Variants in ACTR3C observed in about 807,000 individuals in gnomAD.
ACTR3C encodes actin related protein 3C, also known as actin-related protein 3C.
In ACTR3C, 18 loss-of-function variants were observed where a neutral mutation model predicts 26.3. The ratio of observed to expected loss-of-function variants is 0.68; its 90% CI spans 0.47 to 1.01. The LOEUF is 1.01. Ranked by LOEUF, ACTR3C falls within the 50% of genes least tolerant of loss-of-function variation. The pLI, the probability that ACTR3C is intolerant of heterozygous loss-of-function variation, is 0.00. For missense variants in ACTR3C, 184 were observed against 250.7 expected, an observed-to-expected ratio of 0.73 and a Z score of 1.80; for synonymous variants, 55 against 94.5, an observed-to-expected ratio of 0.58 and a Z score of 2.42.
the ACTR3C span, among the ~76,000 whole-genome samples, chr7:150,153,043 G>A: frequency 6.6e-6 from 1 of 151,766 alleles, no homozygotes; most frequent in Non-Finnish European, 1.5e-5. Flanking sequence ...TTCTTTATTA[G>A]TCTTACTAGC....
the ACTR3C span, among the ~76,000 whole-genome samples, chr7:150,057,684 T>C: frequency 6.6e-6 from 1 of 152,242 alleles, no homozygotes; most frequent in African/African-American, 2.4e-5. Flanking sequence ...CCTGATTTCC[T>C]GGGAAGGCAG....
chr7:149,976,879 A>G, the ACTR3C span, among the ~76,000 whole-genome samples: 1 of 151,670 alleles, frequency 6.6e-6, no homozygotes, highest in South Asian at 2.1e-4. Context: ...ACTCACTGCA[A>G]GTCAGCAGGG....
chr7:150,028,823 G>A, the ACTR3C span, among the ~76,000 whole-genome samples: 9 of 152,376 alleles, frequency 5.9e-5, no homozygotes, highest in South Asian at 2.1e-4. Flanking sequence ...CTCCAATGCC[G>A]GGGCCACTGG....
chr7:150,107,605 T>C, the ACTR3C span, among the ~76,000 whole-genome samples: 3 of 152,042 alleles, frequency 2.0e-5, 1 homozygote, highest in Non-Finnish European at 4.4e-5. Context: ...CTTCTACTTA[T>C]GATATTTCAT....
chr7:149,979,608 G>C, the ACTR3C span, among the ~76,000 whole-genome samples: 1 of 152,070 alleles, frequency 6.6e-6, no homozygotes, highest in African/African-American at 2.4e-5. Context: ...ATTATTTTGA[G>C]TTACTAATTT....
the ACTR3C span, among the ~76,000 whole-genome samples, chr7:150,038,442 AT>A: frequency 7.0e-6 from 1 of 142,134 alleles, no homozygotes; most frequent in Non-Finnish European, 1.5e-5. Flanking sequence ...TGTTGTTGGG[AT>A]CCCCATTTCA....
intron 1 of ACTR3C, chr7:150,303,033 T>C (rs1264261240): frequency 6.6e-6 from 1 of 152,208 alleles, no homozygotes; most frequent in Non-Finnish European, 1.5e-5. Flanking sequence ...AGGCATTGAG[T>C]TGCTCTTACC....
the ACTR3C span, among the ~76,000 whole-genome samples, chr7:150,058,305 T>C: frequency 6.6e-6 from 1 of 152,220 alleles, no homozygotes; most frequent in Admixed American, 6.5e-5. Flanking sequence ...GCATGGTTCA[T>C]GTATTCTTCC....
the ACTR3C span, among the ~76,000 whole-genome samples, chr7:150,008,331 G>A: frequency 6.6e-6 from 1 of 152,196 alleles, no homozygotes; most frequent in East Asian, 1.9e-4. Context: ...GGCTGGACGT[G>A]CTCTGAGCCA....
chr7:150,094,837 C>A, the ACTR3C span, among the ~76,000 whole-genome samples: 1 of 150,710 alleles, frequency 6.6e-6, no homozygotes, highest in Non-Finnish European at 1.5e-5. Flanking sequence ...GGATGCAAAG[C>A]TTAGAAGCTC....
the ACTR3C span, among the ~76,000 whole-genome samples, chr7:150,033,684 TC>T: frequency 3.3e-5 from 5 of 150,386 alleles, no homozygotes; most frequent in Non-Finnish European, 1.5e-5. Flanking sequence ...GGGGGGTGCC[TC>T]CCCCACTTGC....
chr7:150,034,228 C>T, the ACTR3C span, among the ~76,000 whole-genome samples: 1 of 151,792 alleles, frequency 6.6e-6, no homozygotes, highest in East Asian at 1.9e-4. Flanking sequence ...TGCCAAGGCC[C>T]TCAAATAGGG....
the ACTR3C span, among the ~76,000 whole-genome samples, chr7:150,182,948 C>T: frequency 1.9e-4 from 29 of 150,786 alleles, no homozygotes. Context: ...TCAAGAACTC[C>T]ATCTTCTACA....
the ACTR3C span, among the ~76,000 whole-genome samples, chr7:150,176,522 G>A: frequency 6.6e-6 from 1 of 151,024 alleles, no homozygotes; most frequent in East Asian, 1.9e-4. Context: ...GACAGATCAT[G>A]TTTTCAATAT....
the ACTR3C span, among the ~76,000 whole-genome samples, chr7:149,918,154 T>C: frequency 3.9e-5 from 6 of 152,070 alleles, no homozygotes; most frequent in Non-Finnish European, 2.9e-5. Flanking sequence ...ATTTTCTATT[T>C]CTCCTTCTGA....
chr7:150,239,699 C>T (rs1832077363), downstream of ACTR3C, among the ~76,000 whole-genome samples: 1 of 149,704 alleles, frequency 6.7e-6, no homozygotes. Context: ...TCTTCAATTA[C>T]ATTCTACAGC....
intron 1 of ACTR3C, among the ~76,000 whole-genome samples, chr7:150,316,211 A>C (rs77354576): frequency 0.3 from 45,144 of 152,052 alleles, 6,930 homozygotes; most frequent in East Asian, 0.42. Flanking sequence ...AAACAAACAA[A>C]CAACAAAAAT....
chr7:149,927,854 T>C, the ACTR3C span, among the ~76,000 whole-genome samples: 1 of 152,224 alleles, frequency 6.6e-6, no homozygotes, highest in African/African-American at 2.4e-5. Context: ...TGGGGGATGC[T>C]CACGCCAACT....
At position 150,280,798 on chromosome 7, in the gene ACTR3C, A is replaced by ATGTGTGTGTGTG. The variant is rs200924995; in HGVS notation, c.564+3943_564+3954dup. Among the ~76,000 whole-genome samples, 816 of 147,518 alleles carry ATGTGTGTGTGTG rather than the reference A, an allele frequency of 5.5e-3. 10 individuals are homozygous for ATGTGTGTGTGTG. The highest frequency in any genetic ancestry group is 0.014 in the African/African-American group (563 of 39,122). ...AATATGCACAATTTTCCTGCTCTTGATGTGTGTGTGTGTGTGTGTGTATAT... is the reference window on the plus strand; with the variant it reads ...AATATGCACAATTTTCCTGCTCTTGATGTGTGTGTGTGTGTGTGTGTGTGTGTGTGTGTATAT... On this transcript the variant is annotated intron_variant, in intron 6 of 7. Transcript: ENST00000683684.
Sources: gnomAD v4.1 joint callset for allele counts (sites outside exome capture counted in the v4.1 genomes callset) on GRCh38, gnomAD v4.1.1 for gene constraint, MANE v1.5 for transcripts, NCBI Gene and HGNC (gene_info 2026-07-23, HGNC 2026-07-21) for gene names.